The following PCDHGA5 variants were observed in gnomAD, a reference collection of about 807,000 sequenced individuals.
PCDHGA5 encodes protocadherin gamma-A5.
Under a neutral mutation model 56.7 loss-of-function variants are expected in PCDHGA5, and 36 were observed. The ratio of observed to expected loss-of-function variants is 0.64; its 90% CI spans 0.49 to 0.84. PCDHGA5 has a LOEUF of 0.84. Ranked by LOEUF, PCDHGA5 falls within the 40% of genes least tolerant of loss-of-function variation. PCDHGA5 has a pLI of 0.00. For synonymous variants in PCDHGA5, 563 were observed against 520.2 expected (o/e 1.08, Z -1.12); for missense variants, 1,305 against 1,201.5 (o/e 1.09, Z -1.27).
chr5:141,385,537 T>C (rs1486400401), intron 1 of PCDHGA5: 7 of 1,341,300 alleles, frequency 5.2e-6, no homozygotes, highest in Non-Finnish European at 6.7e-6. Flanking sequence ...ATTATGAATA[T>C]GTGGACTATC....
intron 1 of PCDHGA5, among the ~76,000 whole-genome samples, chr5:141,397,443 A>G (rs1307784938): frequency 6.6e-6 from 1 of 152,244 alleles, no homozygotes; most frequent in African/African-American, 2.4e-5. Flanking sequence ...TATGTGTAAT[A>G]TAAAACACTA....
intron 1 of PCDHGA5, chr5:141,382,944 G>A (rs375823415): frequency 6.3e-7 from 1 of 1,596,888 alleles, no homozygotes; most frequent in Non-Finnish European, 8.6e-7. Flanking sequence ...GATTCTTCCT[G>A]CTCTCCATCC....
intron 1 of PCDHGA5, among the ~76,000 whole-genome samples, chr5:141,453,061 T>G (rs1351911724): frequency 6.6e-6 from 1 of 152,102 alleles, no homozygotes; most frequent in Non-Finnish European, 1.5e-5. Context: ...AGTTTTAGAG[T>G]TTTGCCACAC....
intron 1 of PCDHGA5, among the ~76,000 whole-genome samples, chr5:141,472,992 A>G (rs2099309983): frequency 6.6e-6 from 1 of 151,994 alleles, no homozygotes; most frequent in South Asian, 2.1e-4. Context: ...AAAAAAAAAA[A>G]AAAAAGAAAG....
intron 1 of PCDHGA5, chr5:141,404,805 C>G (rs770534822): frequency 1.3e-5 from 21 of 1,613,960 alleles, no homozygotes; most frequent in Non-Finnish European, 1.8e-5. Context: ...GGGCTCTTCT[C>G]GGTGGGGCTG....
intron 1 of PCDHGA5, chr5:141,419,027 GTTCCAT>G: frequency 6.2e-7 from 1 of 1,613,870 alleles, no homozygotes; most frequent in Non-Finnish European, 8.5e-7. Context: ...AAGTAGAGGT[GTTCCAT>G]TTAAGATTCA....
intron 1 of PCDHGA5, chr5:141,370,178 C>T (rs1214381916): frequency 2.6e-5 from 12 of 463,756 alleles, no homozygotes; most frequent in Non-Finnish European, 4.5e-5. Context: ...CGCCGGGTGC[C>T]GCTCTTGGCT....
At chr5:141,424,698 T>G (rs1214214315) in intron 1 of PCDHGA5, 1 of 152,228 alleles carries the variant, frequency 6.6e-6, no homozygotes, top group Non-Finnish European at 1.5e-5. Context: ...GCTATTTTTT[T>G]GTTCATTTTC....
intron 1 of PCDHGA5, chr5:141,389,474 G>A (rs1476860129): frequency 1.2e-6 from 2 of 1,613,168 alleles, no homozygotes; most frequent in East Asian, 2.2e-5. Flanking sequence ...AACTCACACT[G>A]CAGGCCCGCG....
chr5:141,432,745 G>A lies in PCDHGA5; in HGVS notation c.2422-62062G>A, dbSNP rs138883931. ...TCTCCGCCACTGTCACGCTCACCGT[G>A]GCCGTGGCCGACAGCATCCCCCAAG... On this transcript the variant is annotated intron_variant, in intron 1 of 3. Coordinates refer to ENST00000518069, the MANE Select transcript of PCDHGA5 (RefSeq NM_018918.3). This position sits in a 1 kb window ranked among gnomAD's most constrained non-coding sequence, Gnocchi z 6.0. 311 of 1,614,110 alleles carry A rather than the reference G, an allele frequency of 1.9e-4. No individual in the cohort carries two copies. The African/African-American group carries it at 3.5e-3, about 18-fold the overall frequency.
At chr5:141,423,470 A>C (rs904433654) in intron 1 of PCDHGA5, 54 of 1,613,884 alleles carry the variant, frequency 3.3e-5, no homozygotes, top group Non-Finnish European at 4.3e-5. Context: ...GACGGGGTAC[A>C]GGCTTTCCTG....
Position 141,477,710 on chromosome 5 carries a change from G to A in PCDHGA5, c.2422-17097G>A, listed in dbSNP as rs747156156. ...GCCCCTAGACTATGAGGATCGGCGG[G>A]AATTTGAATTAACAGCTCATATCAG... On this transcript the variant is annotated intron_variant, in intron 1 of 3. Transcript: ENST00000518069. This position sits in a 1 kb window ranked among gnomAD's most constrained non-coding sequence, Gnocchi z 4.9. 2.5e-6 allele frequency: 4 copies of A among 1,613,918 alleles called. No homozygotes were observed. Among genetic ancestry groups the A allele is most frequent in the Middle Eastern group, 3.3e-4 (2 of 6,062 alleles).
chr5:141,433,289 G>A, intron 1 of PCDHGA5: 1 of 1,130,682 alleles, frequency 8.8e-7, no homozygotes, highest in Non-Finnish European at 1.3e-6. Flanking sequence ...AAACTCCTAG[G>A]CTCAAGCAAT....
chr5:141,388,511 C>G, intron 1 of PCDHGA5: 1 of 1,613,868 alleles, frequency 6.2e-7, no homozygotes, highest in Non-Finnish European at 8.5e-7. Context: ...AATCCTACCA[C>G]TTGACTTTGA....
At chr5:141,374,137 G>A in intron 1 of PCDHGA5, 1 of 1,606,330 alleles carries the variant, frequency 6.2e-7, no homozygotes. Context: ...TGCTCCTCAC[G>A]CTCCTGGGGA....
At chr5:141,427,239 G>C (rs1160872088) in intron 1 of PCDHGA5, 1 of 456,746 alleles carries the variant, frequency 2.2e-6, no homozygotes, top group East Asian at 6.9e-5. Flanking sequence ...GAGAGTAGAA[G>C]CTAAGGATGG....
intron 3 of PCDHGA5, among the ~76,000 whole-genome samples, chr5:141,509,807 C>T (rs369661041): frequency 2.0e-5 from 3 of 152,104 alleles, no homozygotes; most frequent in Non-Finnish European, 4.4e-5. Context: ...TTCATAGAGC[C>T]GAGCTCTTCT....
intron 1 of PCDHGA5, chr5:141,399,551 T>C: frequency 6.2e-7 from 1 of 1,614,052 alleles, no homozygotes; most frequent in Non-Finnish European, 8.5e-7. Context: ...GCCTCGGACC[T>C]GGACTTGGGG....
chr5:141,490,345 G>GT lies in PCDHGA5; in HGVS notation c.2422-4461dup, dbSNP rs1363310763. The GT allele has an allele frequency of 6.2e-7, 1 of 1,614,216 alleles. No individual in the cohort carries two copies. The highest frequency in any genetic ancestry group is 2.2e-5 in the East Asian group (1 of 44,886). ...AGAGAGCACACCAGTGGGCACAGTAGTGGGGTTGTTTAATGTGCGAGACCG... is the reference window on the plus strand; with the variant it reads ...AGAGAGCACACCAGTGGGCACAGTAGTTGGGGTTGTTTAATGTGCGAGACCG... On this transcript the variant is annotated intron_variant, in intron 1 of 3. Transcript: ENST00000518069. This position sits in a 1 kb window ranked among gnomAD's most constrained non-coding sequence, Gnocchi z 5.4.
Sources: gnomAD v4.1 joint callset for allele counts (sites outside exome capture counted in the v4.1 genomes callset) on GRCh38, gnomAD v4.1.1 for gene constraint, Gnocchi (gnomAD v3.1) non-coding constraint, MANE v1.5 for transcripts, NCBI Gene and HGNC (gene_info 2026-07-23, HGNC 2026-07-21) for gene names.